EPHA4: variants seen among roughly 807,000 people sequenced by gnomAD.
The protein encoded by EPHA4 is EPH receptor A4.
A neutral mutation model predicts 108.3 loss-of-function variants in EPHA4; 19 were observed. The observed-to-expected ratio is 0.18, with a 90% CI of 0.12 to 0.26. The LOEUF is 0.26. Ranked by LOEUF, EPHA4 falls within the 10% of genes least tolerant of loss-of-function variation. The probability of loss-of-function intolerance (pLI) is 1.00; values close to 1 mark genes in which losing one functional copy is unlikely to be tolerated. For missense variants in EPHA4, 917 were observed against 1,254.0 expected (o/e 0.73, Z 4.06); for synonymous variants, 449 against 455.5 (o/e 0.99, Z 0.18).
chr2:221,456,547 T>C (rs763626652), intron 7 of EPHA4, 66 bp downstream of exon 7: 20 of 1,531,888 alleles, frequency 1.3e-5, no homozygotes, highest in Non-Finnish European at 1.8e-5. Context: ...GATTTCACTG[T>C]AATGGGATTC....
At chr2:221,498,443 A>G (rs1692368295) in intron 4 of EPHA4, among the ~76,000 whole-genome samples, 1 of 152,224 alleles carries the variant, frequency 6.6e-6, no homozygotes, top group African/African-American at 2.4e-5. Flanking sequence ...GTTTATTATT[A>G]AACTAATCAC....
intron 3 of EPHA4, among the ~76,000 whole-genome samples, chr2:221,512,983 G>A (rs991684690): frequency 6.6e-6 from 1 of 152,142 alleles, no homozygotes; most frequent in African/African-American, 2.4e-5. Context: ...ACCTAACCCA[G>A]GCTGTCTGCT....
At chr2:221,493,968 A>T (rs1692231509) in intron 4 of EPHA4, among the ~76,000 whole-genome samples, 1 of 151,978 alleles carries the variant, frequency 6.6e-6, no homozygotes, top group South Asian at 2.1e-4. Flanking sequence ...TCAATCAATC[A>T]CTCTTTGTTT....
At chr2:221,547,705 A>C (rs997178167) in intron 3 of EPHA4, among the ~76,000 whole-genome samples, 13 of 152,172 alleles carry the variant, frequency 8.5e-5, no homozygotes, top group South Asian at 2.1e-4. Flanking sequence ...TAAGAATGCA[A>C]GGCACTGGGG....
intron 15 of EPHA4, among the ~76,000 whole-genome samples, chr2:221,426,898 C>T (rs930912367): frequency 2.0e-5 from 3 of 152,190 alleles, no homozygotes; most frequent in Non-Finnish European, 4.4e-5. Flanking sequence ...GGTCTTTTAA[C>T]ACCCTAGCCT....
chr2:221,418,802 T>C lies in EPHA4; in HGVS notation c.*2570A>G, dbSNP rs6723520. The C allele has an allele frequency of 3.3e-5, 5 of 152,656 alleles. No individual in the cohort carries two copies. Among genetic ancestry groups the C allele is most frequent in the African/African-American group, 9.6e-5 (4 of 41,564 alleles). The allele number at this position is 152,656 out of a possible 1,614,324, so 9.5% of individuals were successfully genotyped here. On this transcript the variant is annotated 3_prime_UTR_variant, in exon 18 of 18. Transcript: ENST00000281821. ...ACGGGCTCAGACCCAGACCCTGAAG[T>C]TGGCCTCCTACCCTTACCTCTGGAA... is the stretch of plus-strand genomic sequence containing the variant.
intron 5 of EPHA4, among the ~76,000 whole-genome samples, chr2:221,468,233 GA>G (rs66530072): frequency 0.025 from 3,536 of 139,684 alleles, 90 homozygotes; most frequent in East Asian, 0.086. Flanking sequence ...AAGATCAGAG[GA>G]AAAAAAAAAG....
intron 3 of EPHA4, among the ~76,000 whole-genome samples, chr2:221,560,805 T>G (rs933150820): frequency 6.6e-6 from 1 of 152,210 alleles, no homozygotes; most frequent in Non-Finnish European, 1.5e-5. Flanking sequence ...TCTAGCTAAG[T>G]GACCAAATTC....
At chr2:221,470,908 G>C (rs1294423310) in intron 5 of EPHA4, among the ~76,000 whole-genome samples, 3 of 152,116 alleles carry the variant, frequency 2.0e-5, no homozygotes, top group African/African-American at 7.2e-5. Flanking sequence ...GTACAGGTTA[G>C]GAACAGGATA....
At chr2:221,457,480 C>T (rs1690994898) in intron 6 of EPHA4, among the ~76,000 whole-genome samples, 1 of 152,164 alleles carries the variant, frequency 6.6e-6, no homozygotes, top group Non-Finnish European at 1.5e-5. Context: ...GTCACTCTCC[C>T]TGATAGAAGG....
rs182164226 is a variant in EPHA4 at position 221,494,379 on chromosome 2, G to A, written c.979+6638C>T. 3.4e-3 allele frequency among the ~76,000 whole-genome samples: 513 copies of A among 152,320 alleles called. 5 individuals are homozygous for A. Among genetic ancestry groups the A allele is most frequent in the African/African-American group, 0.012 (493 of 41,578 alleles). On this transcript the variant is annotated intron_variant, in intron 4 of 17. Coordinates refer to ENST00000281821, the MANE Select transcript of EPHA4 (RefSeq NM_004438.5). Reference sequence around the variant, plus strand: ...AGCACTCTGGGAGGCCTAGGCGGGCGGATCGCTTGAGGTCAGGAGTTCGAG... The same window carrying A: ...AGCACTCTGGGAGGCCTAGGCGGGCAGATCGCTTGAGGTCAGGAGTTCGAG...
In EPHA4 at chr2:221,571,247, A is replaced by T; in HGVS notation, c.91+911T>A. The stretch of plus-strand genomic sequence containing the variant: ...CACACACGCAGACATGCACACACAC[A>T]CCACACATACACACACACACACACA... On this transcript the variant is annotated intron_variant, in intron 1 of 17. Transcript: ENST00000281821. The surrounding 1 kb of genome is among the most constrained non-coding windows in gnomAD (Gnocchi z 6.3). 7.2e-6 allele frequency among the ~76,000 whole-genome samples: 1 copy of T among 138,998 alleles called. No individual in the cohort carries two copies. Among genetic ancestry groups the T allele is most frequent in the African/African-American group, 2.8e-5 (1 of 36,208 alleles). 91.2% of individuals were successfully genotyped at this position (138,998 alleles called of 152,430 possible). A position where few individuals can be genotyped will look rare whatever the true frequency, so the allele number is the denominator to read the frequency against.
At chr2:221,549,968 G>A (rs759092488) in intron 3 of EPHA4, among the ~76,000 whole-genome samples, 2 of 152,192 alleles carry the variant, frequency 1.3e-5, no homozygotes, top group Non-Finnish European at 2.9e-5. Flanking sequence ...GCAGCAGAGT[G>A]AGACTCCATC....
intron 11 of EPHA4, among the ~76,000 whole-genome samples, chr2:221,438,033 G>T (rs1415280235): frequency 6.6e-6 from 1 of 152,052 alleles, no homozygotes; most frequent in East Asian, 1.9e-4. Flanking sequence ...AACTTGCTTT[G>T]GTCTGATTCC....
chr2:221,564,080 G>A lies in EPHA4; in HGVS notation c.474C>T (p.Asp158=), dbSNP rs766480560. 2.6e-4 allele frequency: 419 copies of A among 1,613,982 alleles called. No individual in the cohort carries two copies. Among genetic ancestry groups the A allele is most frequent in the Non-Finnish European group, 3.4e-4 (404 of 1,180,032 alleles). The change falls in exon 3 of 18, where the codon GAC becomes GAT. Residue 158 remains aspartate, a synonymous_variant. Coordinates refer to ENST00000281821, the MANE Select transcript of EPHA4 (RefSeq NM_004438.5). Reference sequence around the variant, plus strand: ...TCAGCTTCATGATTCTGTCACCAATGTCCACTTGGGTGAAGCTCTCATCAG... The same window carrying A: ...TCAGCTTCATGATTCTGTCACCAATATCCACTTGGGTGAAGCTCTCATCAG... ...IAADESFTQV[D]IGDRIMKLNT...
Position 221,418,852 on chromosome 2 carries a change from A to T in EPHA4, c.*2520T>A, listed in dbSNP as rs1689662433. 6.6e-6 allele frequency: 1 copy of T among 152,568 alleles called. No individual in the cohort carries two copies. Among genetic ancestry groups the T allele is most frequent in the African/African-American group, 2.4e-5 (1 of 41,416 alleles). 9.5% of individuals were successfully genotyped at this position (152,568 alleles called of 1,614,324 possible). On this transcript the variant is annotated 3_prime_UTR_variant, in exon 18 of 18. Coordinates refer to ENST00000281821, the MANE Select transcript of EPHA4 (RefSeq NM_004438.5). ...AAAGATGAACTGCTCAGAAGAGTCA[A>T]CCTCATTTCTTTATACATATTTTTC...
At chr2:221,565,186 G>A (rs1210737298) in intron 2 of EPHA4, among the ~76,000 whole-genome samples, 2 of 152,220 alleles carry the variant, frequency 1.3e-5, no homozygotes, top group East Asian at 1.9e-4. Context: ...AAATAAAATA[G>A]CAAGTGCTGT....
intron 4 of EPHA4, among the ~76,000 whole-genome samples, chr2:221,486,129 T>C (rs1261513683): frequency 6.6e-6 from 1 of 152,148 alleles, no homozygotes; most frequent in African/African-American, 2.4e-5. Flanking sequence ...ATGAGGTTTA[T>C]AACAAAAAAG....
At chr2:221,518,283 A>G (rs1430274097) in intron 3 of EPHA4, among the ~76,000 whole-genome samples, 3 of 152,150 alleles carry the variant, frequency 2.0e-5, no homozygotes, top group African/African-American at 7.2e-5. Flanking sequence ...TGTAAGAAAC[A>G]AGAATCCTCT....
Sources: allele counts gnomAD v4.1 joint callset (sites outside exome capture counted in the v4.1 genomes callset), GRCh38; gene constraint gnomAD v4.1.1; non-coding constraint Gnocchi (gnomAD v3.1); transcripts MANE v1.5; gene names NCBI Gene and HGNC (gene_info 2026-07-23, HGNC 2026-07-21).